NDRG2: variants seen among roughly 807,000 people sequenced by gnomAD.
NDRG2 encodes NDRG family member 2, also known as protein NDRG2.
NDRG2 carries 34 observed loss-of-function variants against 58.2 expected under a neutral mutation model. The ratio of observed to expected loss-of-function variants is 0.58; its 90% CI spans 0.44 to 0.78. The LOEUF (loss-of-function observed/expected upper bound fraction) is 0.78, where lower values mean the gene tolerates loss of function less well. Ranked by LOEUF, NDRG2 falls within the 30% of genes least tolerant of loss-of-function variation. NDRG2 has a pLI of 0.00. For missense variants in NDRG2, 434 were observed against 471.2 expected, an observed-to-expected ratio of 0.92 and a Z score of 0.73; for synonymous variants, 187 against 175.9, an observed-to-expected ratio of 1.06 and a Z score of -0.50.
At chr14:21,064,644 C>G (rs1177017881) in intron 1 of NDRG2, among the ~76,000 whole-genome samples, 1 of 152,114 alleles carries the variant, frequency 6.6e-6, no homozygotes, top group Non-Finnish European at 1.5e-5. Flanking sequence ...AAAAATTATA[C>G]TTATGCGTGG....
intron 1 of NDRG2, chr14:21,057,982 G>A (rs776047782): frequency 1.9e-6 from 3 of 1,613,920 alleles, no homozygotes; most frequent in African/African-American, 1.3e-5. Context: ...CCAAGCCCAA[G>A]GACATGACAT....
chr14:21,030,576 C>T (rs1190971580), upstream of NDRG2: 4 of 1,613,140 alleles, frequency 2.5e-6, no homozygotes, highest in Non-Finnish European at 3.4e-6. Flanking sequence ...CGACCTCTAG[C>T]TGACCATGGC....
chr14:21,066,976 G>A (rs1347552581), intron 1 of NDRG2, among the ~76,000 whole-genome samples: 4 of 152,144 alleles, frequency 2.6e-5, no homozygotes, highest in Admixed American at 6.5e-5. Context: ...TCTCAAGTCC[G>A]TCCCTAAAAT....
At chr14:21,032,288 ACCAG>A (rs773409838) in intron 1 of NDRG2, 2 of 662,174 alleles carry the variant, frequency 3.0e-6, no homozygotes, top group South Asian at 3.0e-5. Context: ...CCTTATGCCT[ACCAG>A]CCATCAGTTA....
Position 21,023,452 on chromosome 14 carries a change from AAC to A in NDRG2, c.-6-133_-6-132del. On this transcript the variant is annotated intron_variant, in intron 1 of 15. Transcript: ENST00000556147. ...ACCCAGGGGTTGAAGACTACTCTAGAACACACAGAGGGCCTTTCCTGCCCCCA... is the reference window on the plus strand; with the variant it reads ...ACCCAGGGGTTGAAGACTACTCTAGAACACAGAGGGCCTTTCCTGCCCCCA... The A allele has an allele frequency of 9.4e-6, 7 of 747,026 alleles. No individual in the cohort carries two copies. In the South Asian group the frequency reaches 1.2e-4, roughly 13 times the overall value. The allele number at this position is 747,026 out of a possible 1,614,324, so 46.3% of individuals were successfully genotyped here.
chr14:21,069,794 C>T (rs1187245830), intron 1 of NDRG2, among the ~76,000 whole-genome samples: 1 of 152,208 alleles, frequency 6.6e-6, no homozygotes, highest in Non-Finnish European at 1.5e-5. Context: ...CTGAAGGTCT[C>T]ATTTGAGCCC....
chr14:21,021,908 T>G, intron 5 of NDRG2, 29 bp from the exon 6 acceptor site: 12 of 1,611,778 alleles, frequency 7.4e-6, no homozygotes, highest in Non-Finnish European at 1.0e-5. Context: ...TTAAGGAAGA[T>G]ACCAACCTGC....
intron 1 of NDRG2, chr14:21,043,011 G>A (rs1454508044): frequency 6.2e-7 from 1 of 1,613,862 alleles, no homozygotes; most frequent in Admixed American, 1.7e-5. Flanking sequence ...GGCCAGAGCA[G>A]GATTCTGCCC....
intron 1 of NDRG2, chr14:21,042,936 G>C: frequency 6.8e-7 from 1 of 1,480,732 alleles, no homozygotes; most frequent in South Asian, 1.3e-5. Context: ...TTTCTCAACT[G>C]AACACCTCTG....
chr14:21,063,060 G>A (rs1418876122), intron 1 of NDRG2, among the ~76,000 whole-genome samples: 2 of 152,018 alleles, frequency 1.3e-5, no homozygotes, highest in African/African-American at 4.8e-5. Context: ...AGCCCAGGAG[G>A]TGGTGGTTGC....
chr14:21,034,308 A>G, intron 1 of NDRG2: 1 of 1,588,056 alleles, frequency 6.3e-7, no homozygotes, highest in Non-Finnish European at 8.6e-7. Context: ...TGGTAGAGTT[A>G]AGGTGGTTGG....
At chr14:21,030,599 A>T, upstream of NDRG2, 1 of 1,613,876 alleles carries the variant, frequency 6.2e-7, no homozygotes, top group Non-Finnish European at 8.5e-7. Flanking sequence ...CAGAGGCAGA[A>T]AAAACATTCC....
rs1882625777 is a variant in NDRG2 at position 21,024,404 on chromosome 14, GTGACCTTGCCCCAGTTA to G, written c.-398_-382del. ...GAATCCCGGCTCTGCCACTCCCAGT[GTGACCTTGCCCCAGTTA>G]GTTACTACATTTGGCCTCAATTTTC... On this transcript the variant is annotated 5_prime_UTR_variant, in exon 1 of 16. The change creates a premature stop within an existing upstream ORF in the 5' untranslated region. Transcript: ENST00000556147. The G allele has an allele frequency of 2.2e-6, 2 of 900,476 alleles. No homozygotes were observed. The highest frequency in any genetic ancestry group is 1.0e-4 in the South Asian group (2 of 19,622). 55.8% of individuals were successfully genotyped at this position (900,476 alleles called of 1,614,324 possible).
At chr14:21,035,840 C>T in intron 1 of NDRG2, 1 of 456,234 alleles carries the variant, frequency 2.2e-6, no homozygotes, top group South Asian at 1.5e-5. Context: ...TCCTAGACCC[C>T]TCCACCTCCC....
At position 21,070,728 on chromosome 14, in the gene NDRG2, C is replaced by A. The variant is rs564741947; in HGVS notation, c.24+100G>T. ...TGCCTTCCTTTCCTGGAGCTTCCCTCCCCCTCCTGGTCCGAGCTCCTTACC... is the reference window on the plus strand; with the variant it reads ...TGCCTTCCTTTCCTGGAGCTTCCCTACCCCTCCTGGTCCGAGCTCCTTACC... On this transcript the variant is annotated intron_variant, in intron 1 of 14. Transcript: ENST00000403829. This position sits in a 1 kb window ranked among gnomAD's most constrained non-coding sequence, Gnocchi z 4.7. The A allele has an allele frequency of 1.6e-5, 21 of 1,335,324 alleles. No individual in the cohort carries two copies. The East Asian group carries it at 5.3e-4, about 34-fold the overall frequency. The allele number at this position is 1,335,324 out of a possible 1,614,324, so 82.7% of individuals were successfully genotyped here. A position where few individuals can be genotyped will look rare whatever the true frequency, so the allele number is the denominator to read the frequency against.
At chr14:21,059,181 G>A (rs750608393) in intron 1 of NDRG2, among the ~76,000 whole-genome samples, 1 of 152,166 alleles carries the variant, frequency 6.6e-6, no homozygotes. Flanking sequence ...TCATCGACGT[G>A]ACCCAGAGCA....
At chr14:21,018,131 G>A (rs368343279) in intron 14 of NDRG2, 73 bp downstream of exon 14, 1 of 1,603,360 alleles carries the variant, frequency 6.2e-7, no homozygotes, top group Non-Finnish European at 8.5e-7. Context: ...CCGGGTGTGT[G>A]GCAAAGGGCA....
chr14:21,020,388 C>A, intron 8 of NDRG2, 108 bp downstream of exon 8: 1 of 830,204 alleles, frequency 1.2e-6, no homozygotes, highest in Admixed American at 2.2e-5. Flanking sequence ...CCCTTTACTC[C>A]CTCCTTGAAG....
chr14:21,027,936 T>C (rs1883807425), upstream of NDRG2, among the ~76,000 whole-genome samples: 1 of 152,212 alleles, frequency 6.6e-6, no homozygotes, highest in South Asian at 2.1e-4. Context: ...GGCAGAAACA[T>C]TCAGGTTACT....
Sources: gnomAD v4.1 joint callset for allele counts (sites outside exome capture counted in the v4.1 genomes callset) on GRCh38, gnomAD v4.1.1 for gene constraint, Gnocchi (gnomAD v3.1) non-coding constraint, MANE v1.5 for transcripts, NCBI Gene and HGNC (gene_info 2026-07-23, HGNC 2026-07-21) for gene names.